Variants in PIK3C2A observed in about 807,000 individuals in gnomAD.
The protein encoded by PIK3C2A is phosphatidylinositol-4-phosphate 3-kinase catalytic subunit type 2 alpha.
A neutral mutation model predicts 204.5 loss-of-function variants in PIK3C2A; 97 were observed. The ratio of observed to expected loss-of-function variants is 0.47; its 90% confidence interval spans 0.40 to 0.56. The LOEUF (loss-of-function observed/expected upper bound fraction) is 0.56. PIK3C2A is among the 20% of genes least tolerant of loss of function. The pLI is 0.00. For synonymous variants in PIK3C2A, 653 were observed against 664.4 expected, an observed-to-expected ratio of 0.98 and a Z score of 0.26; for missense variants, 1,735 against 1,969.2, an observed-to-expected ratio of 0.88 and a Z score of 2.25.
At position 17,140,236 on chromosome 11, in the gene PIK3C2A, G is replaced by C. The variant is rs139814928; in HGVS notation, c.1705-3611C>G. Among the ~76,000 whole-genome samples the C allele has an allele frequency of 6.0e-3, 908 of 152,128 alleles. 6 individuals carry two copies. Among genetic ancestry groups the C allele is most frequent in the Non-Finnish European group, 8.5e-3 (578 of 68,014 alleles). On this transcript the variant is annotated intron_variant, in intron 8 of 32. Transcript: ENST00000691414. ...TTGAAGCCAGCCTGGGTAAGACAGT[G>C]AGACCTCCATTTCTTTAAAAAAGAT... is the stretch of plus-strand genomic sequence containing the variant.
In PIK3C2A at chr11:17,099,922, T is replaced by C; in HGVS notation, c.4056A>G (p.Lys1352=). ...GGGGTTGAAGTGCATCTCTAACGTA[T>C]TTCAAATCTTGAATACTTGTAAGTT... ...LPELTSIQDL[K]YVRDALQPQT... The change falls in exon 26 of 33, where the codon AAA becomes AAG. Residue 1352 remains lysine (K), a synonymous_variant. Transcript: ENST00000691414. 6.3e-7 allele frequency: 1 copy of C among 1,599,662 alleles called. No homozygotes were observed. Among genetic ancestry groups the C allele is most frequent in the South Asian group, 1.1e-5 (1 of 90,612 alleles).
At chr11:17,180,653 C>A (rs1299352050) in intron 1 of PIK3C2A, among the ~76,000 whole-genome samples, 1 of 152,102 alleles carries the variant, frequency 6.6e-6, no homozygotes, top group African/African-American at 2.4e-5. Context: ...GAAACCCCAT[C>A]TGTACTAAAA....
intron 11 of PIK3C2A, 139 bp downstream of exon 11, chr11:17,134,680 C>A: frequency 6.2e-6 from 4 of 647,092 alleles, no homozygotes; most frequent in Non-Finnish European, 5.4e-6. Context: ...TTTTAAAATT[C>A]TTTTTAGTAG....
chr11:17,160,933 A>G (rs1332857952), intron 2 of PIK3C2A, among the ~76,000 whole-genome samples: 1 of 152,196 alleles, frequency 6.6e-6, no homozygotes, highest in African/African-American at 2.4e-5. Flanking sequence ...GGGAAGGAAC[A>G]TCTCTTCCTT....
chr11:17,134,856 A>T lies in PIK3C2A; in HGVS notation c.2071T>A (p.Phe691Ile). The change falls in exon 11 of 33, where the codon TTT (phenylalanine) becomes ATT (isoleucine). Residue 691 changes from phenylalanine (F) to isoleucine (I), a missense_variant. Phe to Ile is a conservative substitution (Grantham distance 21, BLOSUM62 0). This residue lies in a region of PIK3C2A where 567 missense variants were observed against 576.0 expected (regional missense o/e 0.98). Coordinates refer to ENST00000691414, the MANE Select transcript of PIK3C2A (RefSeq NM_002645.4). The stretch of plus-strand genomic sequence containing the variant: ...TTACTTGAAATTCCATGAGCAGCAA[A>T]AATAGTAAACTGGAGCTGCTCTGTT... ...TTTEQLQFTIFAAHGISSNWV... is the reference protein window; with the variant it reads ...TTTEQLQFTIIAAHGISSNWV... 6.2e-7 allele frequency: 1 copy of T among 1,614,136 alleles called. No homozygotes were observed. The highest frequency in any genetic ancestry group is 8.5e-7 in the Non-Finnish European group (1 of 1,179,978).
chr11:17,107,570 A>T (rs957040247), intron 22 of PIK3C2A, among the ~76,000 whole-genome samples: 17 of 152,318 alleles, frequency 1.1e-4, no homozygotes, highest in Middle Eastern at 3.4e-3. Flanking sequence ...ATTGAGGATA[A>T]AGGTATGAGA....
intron 1 of PIK3C2A, among the ~76,000 whole-genome samples, chr11:17,184,710 G>A (rs1009196493): frequency 1.3e-5 from 2 of 152,030 alleles, no homozygotes; most frequent in African/African-American, 2.4e-5. Context: ...CAAGAGGAGA[G>A]GATCCTTAAG....
In PIK3C2A at chr11:17,194,364, G is replaced by A. The variant is rs897415473; in HGVS notation, c.-66+13484C>T. ...ACTGGTGCAACCTGCCCAGGCTGCCGTCTGCATGGGGCTGGGGTCCTCACC... is the reference window on the plus strand; with the variant it reads ...ACTGGTGCAACCTGCCCAGGCTGCCATCTGCATGGGGCTGGGGTCCTCACC... On this transcript the variant is annotated intron_variant, in intron 1 of 32. Transcript: ENST00000691414. The A allele has an allele frequency of 5.2e-5, 13 of 248,702 alleles. No individual in the cohort carries two copies. In the East Asian group the frequency reaches 8.0e-4, roughly 15 times the overall value. The allele number at this position is 248,702 out of a possible 1,614,324, so 15.4% of individuals were successfully genotyped here.
At chr11:17,173,804 T>C (rs1851252142) in intron 1 of PIK3C2A, among the ~76,000 whole-genome samples, 1 of 152,102 alleles carries the variant, frequency 6.6e-6, no homozygotes, top group Non-Finnish European at 1.5e-5. Context: ...TGGGGTTTGT[T>C]TGTTTGTTTG....
intron 8 of PIK3C2A, among the ~76,000 whole-genome samples, chr11:17,144,766 C>A (rs759847098): frequency 1.3e-5 from 2 of 151,748 alleles, no homozygotes; most frequent in Non-Finnish European, 2.9e-5. Flanking sequence ...CATGGTGATG[C>A]ATGCCTCTAA....
intron 2 of PIK3C2A, among the ~76,000 whole-genome samples, chr11:17,162,741 A>G (rs1391133173): frequency 6.6e-6 from 1 of 152,090 alleles, no homozygotes; most frequent in Non-Finnish European, 1.5e-5. Flanking sequence ...GTCTCCCTGA[A>G]CCCATTCTGC....
intron 8 of PIK3C2A, among the ~76,000 whole-genome samples, chr11:17,137,396 C>G (rs1296040012): frequency 6.9e-6 from 1 of 145,026 alleles, no homozygotes; most frequent in Admixed American, 7.1e-5. Context: ...TCATGCCATT[C>G]TCCTATATTA....
At chr11:17,164,802 T>C (rs1025325595) in intron 2 of PIK3C2A, among the ~76,000 whole-genome samples, 2 of 152,204 alleles carry the variant, frequency 1.3e-5, no homozygotes, top group South Asian at 2.1e-4. Flanking sequence ...GTAACACCTA[T>C]GTGACTTGAT....
At chr11:17,103,617 ATG>A (rs756462941) in intron 23 of PIK3C2A, among the ~76,000 whole-genome samples, 4 of 151,896 alleles carry the variant, frequency 2.6e-5, no homozygotes, top group South Asian at 2.1e-4. Flanking sequence ...ATGTGTGTAT[ATG>A]TGTGTGTGTG....
chr11:17,192,088 C>A (rs12277497), intron 1 of PIK3C2A, among the ~76,000 whole-genome samples: 2 of 151,920 alleles, frequency 1.3e-5, no homozygotes, highest in Non-Finnish European at 2.9e-5. Context: ...GAGGTTGCAG[C>A]AAGCGGAGAT....
At chr11:17,132,892 C>A (rs559152641) in intron 11 of PIK3C2A, among the ~76,000 whole-genome samples, 173 of 152,240 alleles carry the variant, frequency 1.1e-3, no homozygotes, top group African/African-American at 4.0e-3. Flanking sequence ...AGTGACTCAG[C>A]CACTAATTGC....
At chr11:17,197,123 C>T (rs1014984663) in intron 1 of PIK3C2A, among the ~76,000 whole-genome samples, 18 of 151,992 alleles carry the variant, frequency 1.2e-4, no homozygotes, top group African/African-American at 3.4e-4. Context: ...CCAGCTCAAG[C>T]GATCCTCCCG....
rs912989706 is a variant in PIK3C2A, at chr11:17,135,124, C to G, written c.1884G>C (p.Arg628Ser). Residue 628 changes from arginine to serine, a missense_variant, in exon 10 of 33, where the codon AGG becomes AGC. This residue lies in a region of PIK3C2A where 567 missense variants were observed against 576.0 expected (regional missense o/e 0.98). Transcript: ENST00000691414. ...TSLFGGEDTS[R>S]SSTRGSLNPE... Reference sequence around the variant, plus strand: ...TTAAACACATACCCCTAGTTGAACTCCTGCTAGTGTCTTCTCCTCCAAACA... The same window carrying G: ...TTAAACACATACCCCTAGTTGAACTGCTGCTAGTGTCTTCTCCTCCAAACA... The G allele has an allele frequency of 6.2e-7, 1 of 1,614,012 alleles. No individual in the cohort carries two copies.
intron 2 of PIK3C2A, among the ~76,000 whole-genome samples, chr11:17,163,103 C>T (rs1474427670): frequency 3.3e-5 from 5 of 152,034 alleles, no homozygotes; most frequent in African/African-American, 1.2e-4. Context: ...GTCAGGAGCT[C>T]GAGACCAGCC....
Sources: allele counts gnomAD v4.1 joint callset (sites outside exome capture counted in the v4.1 genomes callset), GRCh38; gene constraint gnomAD v4.1.1; regional missense constraint gnomAD v4.1.1; transcripts MANE v1.5; gene names NCBI Gene and HGNC (gene_info 2026-07-23, HGNC 2026-07-21).